The following ARFGEF2 variants were observed in gnomAD, a reference collection of about 807,000 sequenced individuals.
ARFGEF2 encodes the protein ARF guanine nucleotide exchange factor 2.
In ARFGEF2, 74 loss-of-function variants were observed where a neutral mutation model predicts 219.9. The ratio of observed to expected loss-of-function variants is 0.34; its 90% confidence interval spans 0.28 to 0.41. The LOEUF (loss-of-function observed/expected upper bound fraction) is 0.41. Among genes scored for constraint, ARFGEF2 ranks in the 10% least tolerant of loss-of-function variants. The probability of loss-of-function intolerance (pLI) is 1.00; values close to 1 mark genes in which losing one functional copy is unlikely to be tolerated. For missense variants in ARFGEF2, 1,743 were observed against 2,218.3 expected (o/e 0.79, Z 4.30); for synonymous variants, 733 against 799.2 (o/e 0.92, Z 1.40).
chr20:48,965,336 A>G (rs1046500720), intron 7 of ARFGEF2, among the ~76,000 whole-genome samples: 10 of 152,304 alleles, frequency 6.6e-5, no homozygotes, highest in African/African-American at 2.4e-4. Flanking sequence ...AATTTTTCTT[A>G]GAGTTTCATT....
chr20:48,926,971 T>A (rs973949081), intron 1 of ARFGEF2, among the ~76,000 whole-genome samples: 3 of 152,190 alleles, frequency 2.0e-5, no homozygotes, highest in African/African-American at 7.2e-5. Context: ...ATTGGTGACC[T>A]TAGCTTGAGC....
chr20:48,969,329 A>C, intron 9 of ARFGEF2, 52 bp downstream of exon 9: 1 of 1,613,502 alleles, frequency 6.2e-7, no homozygotes, highest in Non-Finnish European at 8.5e-7. Flanking sequence ...CCAGCAGCAC[A>C]TGGTACTGTG....
rs537917557 is a variant in ARFGEF2 at position 48,951,645 on chromosome 20, G to A, written c.423+176G>A. Among the ~76,000 whole-genome samples the A allele has an allele frequency of 2.0e-5, 3 of 152,286 alleles. No individual in the cohort carries two copies. The East Asian group carries it at 5.8e-4, about 29-fold the overall frequency. ...GTCAGAATTTATTAGCGTGGACTGAGACAAGAAAAATGGAACCAGGTGTGT... is the reference window on the plus strand; with the variant it reads ...GTCAGAATTTATTAGCGTGGACTGAAACAAGAAAAATGGAACCAGGTGTGT... On this transcript the variant is annotated intron_variant, in intron 4 of 38. Transcript: ENST00000371917.
chr20:49,028,648 A>C lies in ARFGEF2; in HGVS notation c.5043A>C (p.Glu1681Asp). 1 of 1,614,206 alleles carries C rather than the reference A, an allele frequency of 6.2e-7. No homozygotes were observed. The highest frequency in any genetic ancestry group is 8.5e-7 in the Non-Finnish European group (1 of 1,180,032). Residue 1681 changes from glutamate (E) to aspartate (D), a missense_variant, in exon 37 of 39, where the codon GAA becomes GAC. Transcript: ENST00000371917. ...AGAACCGCAGGGATTCCTGGGAAGA[A>C]ATACAGCAGAGACTTTTAACGTAAG... is the stretch of plus-strand genomic sequence containing the variant. ...VDENRRDSWE[E>D]IQQRLLTVCS... is the part of the protein sequence containing the mutation.
At chr20:48,981,061 G>C (rs1183333839) in intron 14 of ARFGEF2, among the ~76,000 whole-genome samples, 1 of 152,178 alleles carries the variant, frequency 6.6e-6, no homozygotes, top group African/African-American at 2.4e-5. Context: ...AGTTGATGCA[G>C]TTTCTTCCTA....
rs1218187877 is a variant in ARFGEF2, at chr20:49,034,496, A to G, written c.*1297A>G. Reference sequence around the variant, plus strand: ...CAAAGCCTGTGAGCAGTATACGTGGATGCTCACCCATGAGAAGGAGCACAC... The same window carrying G: ...CAAAGCCTGTGAGCAGTATACGTGGGTGCTCACCCATGAGAAGGAGCACAC... On this transcript the variant is annotated 3_prime_UTR_variant, in exon 39 of 39. Coordinates refer to ENST00000371917, the MANE Select transcript of ARFGEF2 (RefSeq NM_006420.3). 1 of 152,218 alleles carries G rather than the reference A, an allele frequency of 6.6e-6. No individual in the cohort carries two copies. The highest frequency in any genetic ancestry group is 1.5e-5 in the Non-Finnish European group (1 of 68,050). The allele number at this position is 152,218 out of a possible 1,614,324, so 9.4% of individuals were successfully genotyped here. A position where few individuals can be genotyped will look rare whatever the true frequency, so the allele number is the denominator to read the frequency against.
At chr20:49,022,778 AT>A (rs898487163) in intron 34 of ARFGEF2, among the ~76,000 whole-genome samples, 4 of 151,526 alleles carry the variant, frequency 2.6e-5, no homozygotes, top group African/African-American at 9.7e-5. Flanking sequence ...GGGAGCAGAG[AT>A]TTTTTTTTGT....
intron 6 of ARFGEF2, among the ~76,000 whole-genome samples, chr20:48,958,459 C>T (rs1324153886): frequency 1.4e-5 from 2 of 147,868 alleles, no homozygotes; most frequent in African/African-American, 2.5e-5. Context: ...TTTTTTGAGA[C>T]GGAGTCTCGC....
rs1884276299 is a variant in ARFGEF2 at position 49,010,268 on chromosome 20, T to C, written c.3621T>C (p.Ile1207=). The C allele has an allele frequency of 2.5e-6, 4 of 1,614,120 alleles. No homozygotes were observed. In the South Asian group the frequency reaches 4.4e-5, roughly 18 times the overall value. The change falls in exon 27 of 39, where the codon ATT becomes ATC. Residue 1207 remains isoleucine, a synonymous_variant. Coordinates refer to ENST00000371917, the MANE Select transcript of ARFGEF2 (RefSeq NM_006420.3). ...PTIRDMAIRC[I]AQMVNSQAAN... ...TCCGGGACATGGCGATCCGCTGCAT[T>C]GCCCAGATGGTGAACTCCCAGGCGG...
chr20:48,950,809 A>ATAT (rs1555808088), intron 3 of ARFGEF2, among the ~76,000 whole-genome samples: 40 of 41,086 alleles, frequency 9.7e-4, no homozygotes, highest in Non-Finnish European at 1.3e-3. Flanking sequence ...AAAAAAAAAA[A>ATAT]AAATATATAT....
intron 14 of ARFGEF2, 64 bp downstream of exon 14, chr20:48,976,263 G>A: frequency 6.3e-7 from 1 of 1,580,936 alleles, no homozygotes; most frequent in Non-Finnish European, 8.6e-7. Context: ...TGGGAACCTG[G>A]AACTGATTCC....
intron 22 of ARFGEF2, 61 bp downstream of exon 22, chr20:48,994,659 C>G: frequency 6.2e-7 from 1 of 1,600,606 alleles, no homozygotes; most frequent in Admixed American, 1.7e-5. Context: ...GGATGAAACC[C>G]TTCTTGTCTC....
At chr20:48,941,021 G>GT (rs2090990073) in intron 1 of ARFGEF2, among the ~76,000 whole-genome samples, 178 bp from the exon 2 acceptor site, 1 of 152,208 alleles carries the variant, frequency 6.6e-6, no homozygotes. Context: ...GTCACTCCAT[G>GT]TAAGTGTTAG....
At chr20:48,999,397 A>G (rs1231239398) in intron 25 of ARFGEF2, 1 of 256,040 alleles carries the variant, frequency 3.9e-6, no homozygotes, top group Non-Finnish European at 7.9e-6. Context: ...TGTTGAATAA[A>G]TAAAATGTCA....
At position 48,948,218 on chromosome 20, in the gene ARFGEF2, C is replaced by G. The variant is rs564880139; in HGVS notation, c.277-3105C>G. 1.1e-4 allele frequency among the ~76,000 whole-genome samples: 17 copies of G among 152,254 alleles called. No homozygotes were observed. In the East Asian group the frequency reaches 3.3e-3, roughly 29 times the overall value. On this transcript the variant is annotated intron_variant, in intron 3 of 38. Coordinates refer to ENST00000371917, the MANE Select transcript of ARFGEF2 (RefSeq NM_006420.3). ...CTGTTTAGGTGTATACTTTTCTTTC[C>G]TCTCTTTTTTTTTCAATAAGTGATA...
At chr20:48,999,746 T>TAAAAAA (rs761792091) in intron 25 of ARFGEF2, among the ~76,000 whole-genome samples, 13 of 111,366 alleles carry the variant, frequency 1.2e-4, no homozygotes, top group East Asian at 2.6e-4. Context: ...GACTCCGTCT[T>TAAAAAA]AAAAAAAAAA....
At chr20:48,995,995 C>T in intron 23 of ARFGEF2, 113 bp downstream of exon 23, 1 of 950,088 alleles carries the variant, frequency 1.1e-6, no homozygotes, top group Non-Finnish European at 1.7e-6. Context: ...GTGTTGTTAG[C>T]TACAAATTGC....
chr20:48,965,979 G>A lies in ARFGEF2; in HGVS notation c.1015G>A (p.Gly339Arg), dbSNP rs756966050. 1.9e-5 allele frequency: 31 copies of A among 1,614,130 alleles called. No individual in the cohort carries two copies. The highest frequency in any genetic ancestry group is 2.4e-5 in the Non-Finnish European group (28 of 1,179,990). ...AGTTGATGAAAACTCACAGACCAAC[G>A]GGATAGCCGATGACAGGCAGTCCTT... ...PGVDENSQTNGIADDRQSLSS... is the reference protein window; with the variant it reads ...PGVDENSQTNRIADDRQSLSS... The change falls in exon 8 of 39, where the codon GGG becomes AGG. Residue 339 changes from glycine to arginine, a missense_variant. Gly to Arg is a moderately radical substitution (Grantham distance 125). Transcript: ENST00000371917.
chr20:49,031,943 A>G, intron 37 of ARFGEF2, 106 bp from the exon 38 acceptor site: 1 of 940,380 alleles, frequency 1.1e-6, no homozygotes, highest in South Asian at 1.4e-5. Context: ...ATTAAAAAAA[A>G]CATGTTAAAA....
Sources: allele counts gnomAD v4.1 joint callset (sites outside exome capture counted in the v4.1 genomes callset), GRCh38; gene constraint gnomAD v4.1.1; transcripts MANE v1.5; gene names NCBI Gene and HGNC (gene_info 2026-07-23, HGNC 2026-07-21).